GPC5: variants seen among roughly 807,000 people sequenced by gnomAD.
GPC5 encodes the protein glypican 5.
Under a neutral mutation model 53.9 loss-of-function variants are expected in GPC5, and 47 were observed. The ratio of observed to expected loss-of-function variants is 0.87; its 90% confidence interval spans 0.69 to 1.11. GPC5 has a LOEUF of 1.11. Among genes scored for constraint, GPC5 ranks in the 50% most tolerant of loss-of-function variants. GPC5 has a pLI of 0.00. For missense variants in GPC5, 748 were observed against 713.1 expected (o/e 1.05, Z -0.56); for synonymous variants, 286 against 263.3 (o/e 1.09, Z -0.84).
intron 5 of GPC5, among the ~76,000 whole-genome samples, chr13:91,883,278 G>A (rs1293284020): frequency 6.6e-6 from 1 of 152,170 alleles, no homozygotes; most frequent in Non-Finnish European, 1.5e-5. Context: ...GAACCAGGTG[G>A]AAAATGCCTG....
chr13:91,688,932 G>A (rs1206669330), intron 2 of GPC5, among the ~76,000 whole-genome samples: 5 of 151,736 alleles, frequency 3.3e-5, no homozygotes, highest in Non-Finnish European at 7.4e-5. Flanking sequence ...GGCTGAAGGA[G>A]CAGATACCTT....
chr13:92,415,139 G>A (rs1876229845), intron 7 of GPC5, among the ~76,000 whole-genome samples: 1 of 152,220 alleles, frequency 6.6e-6, no homozygotes, highest in South Asian at 2.1e-4. Flanking sequence ...TAAAGCTGGA[G>A]AGCTGGACAG....
intron 6 of GPC5, among the ~76,000 whole-genome samples, chr13:92,056,960 T>G (rs1300647773): frequency 6.6e-6 from 1 of 152,160 alleles, no homozygotes; most frequent in Non-Finnish European, 1.5e-5. Flanking sequence ...CTAAATACCC[T>G]GTAAAGACCT....
At chr13:92,166,145 A>G (rs1593951995) in intron 7 of GPC5, among the ~76,000 whole-genome samples, 1 of 152,366 alleles carries the variant, frequency 6.6e-6, no homozygotes, top group Non-Finnish European at 1.5e-5. Context: ...ATACCTGAAC[A>G]AGTAATTTAA....
At chr13:92,440,278 A>T (rs981701588) in intron 7 of GPC5, among the ~76,000 whole-genome samples, 1 of 152,114 alleles carries the variant, frequency 6.6e-6, no homozygotes, top group African/African-American at 2.4e-5. Flanking sequence ...AGTAGTCTCC[A>T]GTGTCTATGC....
chr13:92,618,687 TAAA>T lies in GPC5; in HGVS notation c.1562-247580_1562-247578del, dbSNP rs5805756. Among the ~76,000 whole-genome samples, 893 of 137,990 alleles carry T rather than the reference TAAA, an allele frequency of 6.5e-3. 6 individuals carry two copies. Among genetic ancestry groups the T allele is most frequent in the African/African-American group, 0.023 (831 of 36,704 alleles). The allele number at this position is 137,990 out of a possible 152,430, so 90.5% of individuals were successfully genotyped here. A position where few individuals can be genotyped will look rare whatever the true frequency, so the allele number is the denominator to read the frequency against. On this transcript the variant is annotated intron_variant, in intron 7 of 7. Transcript: ENST00000377067. ...TTGTAAGAAAATGTTTAAAAAATGTTAAAAAAAAAAAAAAAAAGCACTGTGACT... is the reference window on the plus strand; with the variant it reads ...TTGTAAGAAAATGTTTAAAAAATGTTAAAAAAAAAAAAAAGCACTGTGACT...
chr13:91,862,146 G>A (rs1490817971), intron 5 of GPC5, among the ~76,000 whole-genome samples: 6 of 152,046 alleles, frequency 3.9e-5, no homozygotes, highest in Admixed American at 1.3e-4. Flanking sequence ...CTAATTTGGC[G>A]TTTTGATTTG....
At chr13:92,699,164 A>G (rs192317839) in intron 7 of GPC5, among the ~76,000 whole-genome samples, 1 of 152,240 alleles carries the variant, frequency 6.6e-6, no homozygotes, top group Admixed American at 6.5e-5. Context: ...GGGAGGGTGT[A>G]TATGTCCAGG....
chr13:91,922,132 C>T (rs1040544817), intron 6 of GPC5, among the ~76,000 whole-genome samples: 15 of 152,060 alleles, frequency 9.9e-5, no homozygotes, highest in Non-Finnish European at 1.6e-4. Context: ...ATGATTTAGA[C>T]AGGTAAAGTT....
chr13:92,384,783 T>C (rs961591351), intron 7 of GPC5, among the ~76,000 whole-genome samples: 1 of 152,190 alleles, frequency 6.6e-6, no homozygotes, highest in African/African-American at 2.4e-5. Flanking sequence ...GTTGTCTTCT[T>C]TCACCCGTGT....
At chr13:92,844,360 C>T (rs566063308) in intron 7 of GPC5, among the ~76,000 whole-genome samples, 1 of 152,144 alleles carries the variant, frequency 6.6e-6, no homozygotes, top group Non-Finnish European at 1.5e-5. Context: ...TTTCACTCAC[C>T]TCATAAAACA....
At chr13:92,032,452 A>T (rs553785825) in intron 6 of GPC5, among the ~76,000 whole-genome samples, 157 of 151,886 alleles carry the variant, frequency 1.0e-3, no homozygotes, top group Non-Finnish European at 1.7e-3. Context: ...AATTTAAAAA[A>T]AAAAAACAGA....
intron 4 of GPC5, among the ~76,000 whole-genome samples, chr13:91,752,076 C>A (rs1347843651): frequency 6.6e-6 from 1 of 152,150 alleles, no homozygotes; most frequent in East Asian, 1.9e-4. Flanking sequence ...GCTGCCTTCA[C>A]CCGGTGTTTT....
chr13:91,436,914 T>C (rs1880021131), intron 1 of GPC5, among the ~76,000 whole-genome samples: 1 of 152,254 alleles, frequency 6.6e-6, no homozygotes, highest in Non-Finnish European at 1.5e-5. Flanking sequence ...GCTCTTCTTG[T>C]TGAATTGATC....
At chr13:91,609,842 AT>A (rs2033493185) in intron 2 of GPC5, among the ~76,000 whole-genome samples, 1 of 152,180 alleles carries the variant, frequency 6.6e-6, no homozygotes, top group Admixed American at 6.5e-5. Context: ...GCTGTTCCAG[AT>A]AGTTCTCCTT....
intron 5 of GPC5, among the ~76,000 whole-genome samples, chr13:91,887,570 A>G (rs1353962353): frequency 6.6e-6 from 1 of 152,052 alleles, no homozygotes; most frequent in Non-Finnish European, 1.5e-5. Flanking sequence ...CCAAACCTTT[A>G]TGCTCTGCTT....
chr13:92,034,952 G>T (rs1251789581), intron 6 of GPC5, among the ~76,000 whole-genome samples: 1 of 152,120 alleles, frequency 6.6e-6, no homozygotes, highest in African/African-American at 2.4e-5. Flanking sequence ...ATTCCATCAA[G>T]ATTCATGGTT....
intron 7 of GPC5, among the ~76,000 whole-genome samples, chr13:92,807,912 G>A (rs1251905412): frequency 1.3e-5 from 2 of 151,962 alleles, no homozygotes; most frequent in African/African-American, 4.8e-5. Flanking sequence ...AATTAAATGG[G>A]CAATTGATTT....
intron 5 of GPC5, among the ~76,000 whole-genome samples, chr13:91,759,828 C>A (rs1380163842): frequency 6.6e-6 from 1 of 151,806 alleles, no homozygotes; most frequent in African/African-American, 2.4e-5. Flanking sequence ...ATATCTGCTA[C>A]TGTGGAATGA....
Sources: allele counts gnomAD v4.1 joint callset (sites outside exome capture counted in the v4.1 genomes callset), GRCh38; gene constraint gnomAD v4.1.1; transcripts MANE v1.5; gene names NCBI Gene and HGNC (gene_info 2026-07-23, HGNC 2026-07-21).